The following RMST variants were observed in gnomAD, a reference collection of about 807,000 sequenced individuals.
RMST encodes long intergenic non-protein coding RNA 54.
At chr12:97,471,065 G>A (rs1279765830) in intron 5 of RMST, among the ~76,000 whole-genome samples, 2 of 151,954 alleles carry the variant, frequency 1.3e-5, no homozygotes, top group Non-Finnish European at 2.9e-5. Context: ...GCATTTTTAT[G>A]AACACGCAAA....
intron 11 of RMST, chr12:97,530,906 T>C (rs575873226): frequency 6.6e-6 from 1 of 152,118 alleles, no homozygotes; most frequent in Non-Finnish European, 1.5e-5. Flanking sequence ...TTATTAAGAT[T>C]TTTGTTTGAT....
At chr12:97,486,164 A>AC (rs1254898616) in intron 5 of RMST, among the ~76,000 whole-genome samples, 1 of 152,200 alleles carries the variant, frequency 6.6e-6, no homozygotes. Flanking sequence ...TTCTCCATTT[A>AC]CCTTGGATAC....
chr12:97,473,641 A>G (rs957150143), intron 5 of RMST, among the ~76,000 whole-genome samples: 1 of 152,184 alleles, frequency 6.6e-6, no homozygotes, highest in Non-Finnish European at 1.5e-5. Flanking sequence ...ATTCTCTGGC[A>G]GAAATATTAT....
At chr12:97,539,779 A>G (rs1464886614) in intron 11 of RMST, among the ~76,000 whole-genome samples, 1 of 151,596 alleles carries the variant, frequency 6.6e-6, no homozygotes, top group African/African-American at 2.4e-5. Context: ...ATTTTATCAG[A>G]CATTTCAATG....
chr12:97,518,221 T>A (rs903707457), intron 10 of RMST, among the ~76,000 whole-genome samples: 2 of 152,180 alleles, frequency 1.3e-5, no homozygotes, highest in African/African-American at 4.8e-5. Context: ...TAAATTGGAA[T>A]ACTGATACAT....
Position 97,559,088 on chromosome 12 carries a change from TTCTC to T in RMST, n.1546-1421_1546-1418del, listed in dbSNP as rs56136727. ...TTAGATGCAAATATGATTTCGAGGTTTCTCTCTCTCTCTCTCTCTCTCTCTCTCT... is the reference window on the plus strand; with the variant it reads ...TTAGATGCAAATATGATTTCGAGGTTTCTCTCTCTCTCTCTCTCTCTCTCT... On this transcript the variant is annotated intron_variant and non_coding_transcript_variant, in intron 11 of 13. Transcript: ENST00000640149. Among the ~76,000 whole-genome samples the T allele has an allele frequency of 1.8e-3, 258 of 146,610 alleles. 4 individuals carry two copies. Among genetic ancestry groups the T allele is most frequent in the Middle Eastern group, 0.014 (4 of 282 alleles).
chr12:97,557,985 ATG>A (rs1256970465), intron 11 of RMST, among the ~76,000 whole-genome samples: 2 of 152,108 alleles, frequency 1.3e-5, no homozygotes, highest in South Asian at 2.1e-4. Flanking sequence ...GTATAAAAAA[ATG>A]ATTTTTACAT....
rs1476219796 is a variant in RMST, at chr12:97,471,830, C to T, written n.644+6103C>T. ...AATCAGCCACTTTTCTCAATGCAGT[C>T]GCCATCAGTTGAGTTGGTTGAAGAT... On this transcript the variant is annotated intron_variant and non_coding_transcript_variant, in intron 5 of 13. Transcript: ENST00000640149. Among the ~76,000 whole-genome samples the T allele has an allele frequency of 2.6e-5, 4 of 152,110 alleles. No homozygotes were observed. The East Asian group carries it at 7.7e-4, about 29-fold the overall frequency.
At chr12:97,485,263 A>T (rs1020615599) in intron 5 of RMST, among the ~76,000 whole-genome samples, 2 of 152,332 alleles carry the variant, frequency 1.3e-5, no homozygotes, top group East Asian at 1.9e-4. Context: ...AATCATAATT[A>T]TGACCCTTAG....
intron 5 of RMST, among the ~76,000 whole-genome samples, chr12:97,472,750 A>T (rs1390445798): frequency 6.6e-6 from 1 of 152,150 alleles, no homozygotes; most frequent in Non-Finnish European, 1.5e-5. Flanking sequence ...TTGGAAATGT[A>T]ATTTTTCATT....
chr12:97,561,181 A>G (rs753780063), intron 13 of RMST: 1 of 152,206 alleles, frequency 6.6e-6, no homozygotes, highest in Non-Finnish European at 1.5e-5. Context: ...GACAGATTTA[A>G]TATCAGTCTT....
chr12:97,559,901 T>A (rs1390310795), intron 11 of RMST, among the ~76,000 whole-genome samples: 1 of 152,178 alleles, frequency 6.6e-6, no homozygotes, highest in Non-Finnish European at 1.5e-5. Context: ...TGAACAAATA[T>A]AATAAGATGC....
intron 11 of RMST, among the ~76,000 whole-genome samples, chr12:97,536,118 A>G (rs1204420675): frequency 1.3e-5 from 2 of 151,494 alleles, no homozygotes; most frequent in East Asian, 1.9e-4. Context: ...GTGTCTCTGT[A>G]TTTTATAATT....
At chr12:97,489,970 C>T (rs528524563) in intron 5 of RMST, among the ~76,000 whole-genome samples, 2 of 152,284 alleles carry the variant, frequency 1.3e-5, no homozygotes, top group East Asian at 3.9e-4. Context: ...CCTCAGTAGG[C>T]CTGATCCCAT....
intron 5 of RMST, among the ~76,000 whole-genome samples, chr12:97,488,274 A>G (rs1421966757): frequency 6.6e-6 from 1 of 152,146 alleles, no homozygotes; most frequent in Admixed American, 6.5e-5. Context: ...GCTACTCAGA[A>G]GGCTGAGGCA....
chr12:97,481,179 T>C (rs919307109), intron 5 of RMST, among the ~76,000 whole-genome samples: 2 of 152,150 alleles, frequency 1.3e-5, no homozygotes, highest in Non-Finnish European at 2.9e-5. Flanking sequence ...TTTCATTTCT[T>C]CTGAGGAAGA....
chr12:97,513,224 C>A lies in RMST; in HGVS notation n.1340+17168C>A, dbSNP rs186423279. Among the ~76,000 whole-genome samples the A allele has an allele frequency of 5.0e-3, 760 of 152,300 alleles. 7 individuals are homozygous for A. The highest frequency in any genetic ancestry group is 0.017 in the African/African-American group (690 of 41,584). ...AGGCTGAAGGGCTCCTCAAGTGCCA[C>A]CAAAGTGGGAGCCCAGGCAGAGGAG... On this transcript the variant is annotated intron_variant and non_coding_transcript_variant, in intron 10 of 13. Coordinates refer to ENST00000640149, the Ensembl canonical transcript of RMST.
intron 11 of RMST, among the ~76,000 whole-genome samples, chr12:97,547,768 A>G (rs1303927596): frequency 2.0e-5 from 3 of 151,920 alleles, no homozygotes; most frequent in Non-Finnish European, 4.4e-5. Context: ...GAGTTGTTTG[A>G]GTTCTTTATA....
chr12:97,479,794 C>T (rs1426734726), intron 5 of RMST, among the ~76,000 whole-genome samples: 4 of 152,164 alleles, frequency 2.6e-5, no homozygotes, highest in Non-Finnish European at 5.9e-5. Context: ...GCTACTCAGA[C>T]ATTTTATTTG....
Sources: allele counts gnomAD v4.1 joint callset (sites outside exome capture counted in the v4.1 genomes callset), GRCh38; gene constraint gnomAD v4.1.1; transcripts MANE v1.5; gene names NCBI Gene and HGNC (gene_info 2026-07-23, HGNC 2026-07-21).